The following MACROH2A1 variants were observed in gnomAD, a reference collection of about 807,000 sequenced individuals.
MACROH2A1 encodes the protein macroH2A.1 histone.
A neutral mutation model predicts 31.6 loss-of-function variants in MACROH2A1; 2 were observed. The ratio of observed to expected loss-of-function variants is 0.06; its 90% CI spans 0.03 to 0.20. MACROH2A1 has a LOEUF of 0.20. Ranked by LOEUF, MACROH2A1 falls within the 10% of genes least tolerant of loss-of-function variation. The pLI, the probability that MACROH2A1 is intolerant of heterozygous loss-of-function variation, is 1.00. For missense variants in MACROH2A1, 230 were observed against 474.0 expected, an observed-to-expected ratio of 0.49 and a Z score of 4.78; for synonymous variants, 169 against 189.6, an observed-to-expected ratio of 0.89 and a Z score of 0.89.
intron 4 of MACROH2A1, chr5:135,361,519 A>G (rs1349236490): frequency 6.6e-6 from 1 of 152,244 alleles, no homozygotes; most frequent in Non-Finnish European, 1.5e-5. Context: ...GATTTTCTGC[A>G]TTCAAATAAA....
intron 4 of MACROH2A1, chr5:135,360,884 C>G: frequency 1.5e-5 from 9 of 580,658 alleles, no homozygotes; most frequent in Non-Finnish European, 2.8e-5. Flanking sequence ...TAGAATAGAA[C>G]CATTTTCATA....
chr5:135,394,212 C>T (rs547368536), intron 1 of MACROH2A1, among the ~76,000 whole-genome samples: 1 of 152,314 alleles, frequency 6.6e-6, no homozygotes, highest in Admixed American at 6.5e-5. Context: ...CCTTCATTCC[C>T]ACTGGCACCT....
At chr5:135,394,724 T>C (rs1206861685) in intron 1 of MACROH2A1, among the ~76,000 whole-genome samples, 1 of 152,214 alleles carries the variant, frequency 6.6e-6, no homozygotes, top group Non-Finnish European at 1.5e-5. Flanking sequence ...TAGCACTCAG[T>C]GCATGGTATC....
chr5:135,339,468 G>A (rs1388755864), intron 8 of MACROH2A1, among the ~76,000 whole-genome samples: 1 of 152,162 alleles, frequency 6.6e-6, no homozygotes, highest in Admixed American at 6.5e-5. Context: ...GCAAATCCAG[G>A]CTAGGAGCTC....
chr5:135,339,629 A>G (rs1401044891), intron 8 of MACROH2A1, among the ~76,000 whole-genome samples: 1 of 152,188 alleles, frequency 6.6e-6, no homozygotes, highest in African/African-American at 2.4e-5. Flanking sequence ...CTTAGGGTAT[A>G]GACATTCTTC....
intron 5 of MACROH2A1, chr5:135,355,507 AGTTT>A (rs1762073843): frequency 3.6e-6 from 1 of 278,930 alleles, no homozygotes; most frequent in African/African-American, 2.2e-5. Flanking sequence ...GAGCCACAAA[AGTTT>A]TTTTGCTGTA....
At chr5:135,361,112 A>C in intron 4 of MACROH2A1, 1 of 253,466 alleles carries the variant, frequency 3.9e-6, no homozygotes, top group Non-Finnish European at 7.7e-6. Flanking sequence ...AGAAGGACGC[A>C]TGTGGTGGCT....
chr5:135,335,156 A>T lies in MACROH2A1; in HGVS notation c.954-15T>A, dbSNP rs754203380. 1.2e-6 allele frequency: 2 copies of T among 1,611,318 alleles called. No individual in the cohort carries two copies. Among genetic ancestry groups the T allele is most frequent in the South Asian group, 2.2e-5 (2 of 90,952 alleles). On this transcript the variant is annotated splice_polypyrimidine_tract_variant and intron_variant, in intron 8 of 8. Coordinates refer to ENST00000511689, the MANE Select transcript of MACROH2A1 (RefSeq NM_138610.3). The stretch of plus-strand genomic sequence containing the variant: ...GAAAACCGTTCCTGGAGAAGAGAAG[A>T]TAAGCACTCAGCAACTGGGATGCCA...
At chr5:135,387,027 T>G (rs1394415695) in intron 2 of MACROH2A1, among the ~76,000 whole-genome samples, 3 of 152,176 alleles carry the variant, frequency 2.0e-5, no homozygotes. Context: ...TGACTCCATT[T>G]GAGTTGTAAG....
intron 5 of MACROH2A1, chr5:135,359,574 G>A (rs1254974996): frequency 3.0e-6 from 3 of 984,616 alleles, no homozygotes; most frequent in Non-Finnish European, 3.6e-6. Context: ...GTGACAGAAA[G>A]AGGGAAAGGG....
upstream of MACROH2A1, chr5:135,399,240 C>T (rs1191162762): frequency 1.3e-5 from 2 of 151,966 alleles, no homozygotes; most frequent in Admixed American, 1.3e-4. This position sits in a 1 kb window ranked among gnomAD's most constrained non-coding sequence, Gnocchi z 4.5. Context: ...GGAACCAGTC[C>T]TCGCGGCCGG....
At position 135,398,348 on chromosome 5, in the gene MACROH2A1, G is replaced by C. The variant is rs1713841236; in HGVS notation, c.-34+714C>G. 6.6e-6 allele frequency among the ~76,000 whole-genome samples: 1 copy of C among 151,968 alleles called. No individual in the cohort carries two copies. Among genetic ancestry groups the C allele is most frequent in the Non-Finnish European group, 1.5e-5 (1 of 67,980 alleles). On this transcript the variant is annotated intron_variant, in intron 1 of 8. Transcript: ENST00000511689. The surrounding 1 kb of genome is among the most constrained non-coding windows in gnomAD (Gnocchi z 4.6). ...ACCCGGGGAAGCCTACAGCCTTCCGGAGTTACCTTTTAAAAAAAGCAAACC... is the reference window on the plus strand; with the variant it reads ...ACCCGGGGAAGCCTACAGCCTTCCGCAGTTACCTTTTAAAAAAAGCAAACC...
chr5:135,383,734 T>A (rs1766007188), intron 2 of MACROH2A1, among the ~76,000 whole-genome samples: 1 of 151,252 alleles, frequency 6.6e-6, no homozygotes, highest in Non-Finnish European at 1.5e-5. Context: ...TGTGTGTGTG[T>A]GTGTGTGTGT....
chr5:135,351,562 T>G (rs1402728268), intron 6 of MACROH2A1: 1 of 117,388 alleles, frequency 8.5e-6, no homozygotes, highest in Non-Finnish European at 1.7e-5. Context: ...TTTTTTTTTT[T>G]TTTTTTTTTT....
rs1758393173 is a variant in MACROH2A1 at position 135,334,890 on chromosome 5, C to A, written c.*86G>T. Reference sequence around the variant, plus strand: ...AAAACTGAAAATGAAAGGGGTCCCACCTCCCAGTAGGAGTGAAGGGGATTT... The same window carrying A: ...AAAACTGAAAATGAAAGGGGTCCCAACTCCCAGTAGGAGTGAAGGGGATTT... On this transcript the variant is annotated 3_prime_UTR_variant, in exon 9 of 9. Transcript: ENST00000511689. The A allele has an allele frequency of 8.7e-7, 1 of 1,149,282 alleles. No homozygotes were observed. The highest frequency in any genetic ancestry group is 1.5e-5 in the South Asian group (1 of 66,126). The allele number at this position is 1,149,282 out of a possible 1,614,324, so 71.2% of individuals were successfully genotyped here.
chr5:135,343,802 G>A (rs971741162), intron 7 of MACROH2A1: 5 of 264,500 alleles, frequency 1.9e-5, no homozygotes, highest in Admixed American at 4.9e-5. Context: ...ATTGTTTTGG[G>A]TTTCCAACCC....
rs10079879 is a variant in MACROH2A1 at position 135,340,117 on chromosome 5, C to G, written c.953+3143G>C. 5.0e-3 allele frequency among the ~76,000 whole-genome samples: 754 copies of G among 152,220 alleles called. 7 individuals are homozygous for G. The highest frequency in any genetic ancestry group is 0.017 in the African/African-American group (695 of 41,508). On this transcript the variant is annotated intron_variant, in intron 8 of 8. Transcript: ENST00000511689. ...TGAGGTGGTGGGACCTGGGGTCTGGCTGACCAATGGAGATGGGAGGCAGGG... is the reference window on the plus strand; with the variant it reads ...TGAGGTGGTGGGACCTGGGGTCTGGGTGACCAATGGAGATGGGAGGCAGGG...
intron 2 of MACROH2A1, among the ~76,000 whole-genome samples, chr5:135,381,757 G>T (rs1765685779): frequency 6.6e-6 from 1 of 152,220 alleles, no homozygotes; most frequent in African/African-American, 2.4e-5. Context: ...CACGAAGATA[G>T]TTCTAGAAGA....
At chr5:135,394,568 C>T (rs1767703460) in intron 1 of MACROH2A1, among the ~76,000 whole-genome samples, 1 of 152,170 alleles carries the variant, frequency 6.6e-6, no homozygotes, top group Non-Finnish European at 1.5e-5. Context: ...CTCAGGCTGC[C>T]CCTATTCTTT....
Sources: allele counts gnomAD v4.1 joint callset (sites outside exome capture counted in the v4.1 genomes callset), GRCh38; gene constraint gnomAD v4.1.1; non-coding constraint Gnocchi (gnomAD v3.1); transcripts MANE v1.5; gene names NCBI Gene and HGNC (gene_info 2026-07-23, HGNC 2026-07-21).